Variants in GEN1 observed in about 807,000 individuals in gnomAD.
The protein encoded by GEN1 is flap endonuclease GEN homolog 1.
A neutral mutation model predicts 67.6 loss-of-function variants in GEN1; 64 were observed. The ratio of observed to expected loss-of-function variants is 0.95; its 90% CI spans 0.77 to 1.17. The LOEUF is 1.17. Ranked by LOEUF, GEN1 falls within the 50% of genes most tolerant of loss-of-function variation. The pLI, the probability that GEN1 is intolerant of heterozygous loss-of-function variation, is 0.00. For missense variants in GEN1, 1,058 were observed against 1,048.3 expected, an observed-to-expected ratio of 1.01 and a Z score of -0.13; for synonymous variants, 371 against 359.4, an observed-to-expected ratio of 1.03 and a Z score of -0.37.
chr2:17,782,862 A>G lies in GEN1; in HGVS notation c.*923A>G, dbSNP rs1558416038. ...CTTTAATACCACCAAATATTAAGTC[A>G]TGCATTAATTTAGGTCGCACTCAAA... On this transcript the variant is annotated 3_prime_UTR_variant, in exon 14 of 14. Transcript: ENST00000381254. 6.6e-6 allele frequency: 1 copy of G among 152,180 alleles called. No homozygotes were observed. The highest frequency in any genetic ancestry group is 6.5e-5 in the Admixed American group (1 of 15,268). 9.4% of individuals were successfully genotyped at this position (152,180 alleles called of 1,614,324 possible).
Position 17,781,061 on chromosome 2 carries a change from G to A in GEN1, c.1849G>A (p.Glu617Lys), listed in dbSNP as rs760492196. The change falls in exon 14 of 14, where the codon GAG becomes AAG. Residue 617 changes from glutamate to lysine, a missense_variant. Glu to Lys is a moderately conservative substitution (Grantham distance 56, BLOSUM62 1). Transcript: ENST00000381254. ...TGATTTAAAATCAGAAGTTGAATCA[G>A]AGCTATCAGCCATCCCTGATGGCTT... ...SHDLKSEVESELSAIPDGFEN... is the reference protein window; with the variant it reads ...SHDLKSEVESKLSAIPDGFEN... 6.2e-7 allele frequency: 1 copy of A among 1,613,854 alleles called. No individual in the cohort carries two copies. The highest frequency in any genetic ancestry group is 2.2e-5 in the East Asian group (1 of 44,858).
At position 17,784,650 on chromosome 2, in the gene GEN1, TCTCAA is replaced by T. The variant is rs1028968322; in HGVS notation, c.*2715_*2719del. 53 of 152,280 alleles carry T rather than the reference TCTCAA, an allele frequency of 3.5e-4. No individual in the cohort carries two copies. Among genetic ancestry groups the T allele is most frequent in the African/African-American group, 1.3e-3 (53 of 41,548 alleles). 9.4% of individuals were successfully genotyped at this position (152,280 alleles called of 1,614,324 possible). The stretch of plus-strand genomic sequence containing the variant: ...TAGATTATTTACAAACCTTGTATCA[TCTCAA>T]CTCTTTAAGGACTGTATTGCAATGT... On this transcript the variant is annotated 3_prime_UTR_variant, in exon 14 of 14. Transcript: ENST00000381254.
chr2:17,777,544 A>G (rs1343144903), intron 11 of GEN1, among the ~76,000 whole-genome samples: 1 of 152,200 alleles, frequency 6.6e-6, no homozygotes, highest in Non-Finnish European at 1.5e-5. Context: ...CAGCAGCTTT[A>G]TCAGTAATCA....
In GEN1 at chr2:17,781,196, T is replaced by C; in HGVS notation, c.1984T>C (p.Ser662Pro). ...DGISPEEHLL[S>P]GITDLCLQDL... ...GATTAGTCCTGAAGAGCATCTACTT[T>C]CTGGCATTACTGATTTATGTCTTCA... The change falls in exon 14 of 14, where the codon TCT (serine) becomes CCT (proline). Residue 662 changes from serine (S) to proline (P), a missense_variant. Coordinates refer to ENST00000381254, the MANE Select transcript of GEN1 (RefSeq NM_001130009.3). 1 of 1,613,826 alleles carries C rather than the reference T, an allele frequency of 6.2e-7. No homozygotes were observed. Among genetic ancestry groups the C allele is most frequent in the South Asian group, 1.1e-5 (1 of 91,078 alleles).
chr2:17,777,259 A>C (rs995978860), intron 11 of GEN1, among the ~76,000 whole-genome samples: 1 of 152,210 alleles, frequency 6.6e-6, no homozygotes, highest in East Asian at 1.9e-4. Flanking sequence ...TATTTGGATA[A>C]TTTAATAAAC....
At chr2:17,780,564 A>T in intron 13 of GEN1, 57 bp from the exon 14 acceptor site, 1 of 1,162,644 alleles carries the variant, frequency 8.6e-7, no homozygotes, top group Non-Finnish European at 1.2e-6. Flanking sequence ...TTTATTTTTT[A>T]CCCAAGTTAA....
Position 17,781,991 on chromosome 2 carries a change from C to T in GEN1, c.*52C>T. On this transcript the variant is annotated 3_prime_UTR_variant, in exon 14 of 14. Transcript: ENST00000381254. ...ACTATTTTAGTACTATCAGCAATAG[C>T]AGAGACAGAGGGAAGGTATCTAGTT... 1.0e-6 allele frequency: 1 copy of T among 971,206 alleles called. No individual in the cohort carries two copies. Among genetic ancestry groups the T allele is most frequent in the Non-Finnish European group, 1.5e-6 (1 of 651,568 alleles). The allele number at this position is 971,206 out of a possible 1,614,324, so 60.2% of individuals were successfully genotyped here. A position where few individuals can be genotyped will look rare whatever the true frequency, so the allele number is the denominator to read the frequency against.
intron 10 of GEN1, among the ~76,000 whole-genome samples, chr2:17,773,733 T>A (rs1389767762): frequency 6.6e-6 from 1 of 152,136 alleles, no homozygotes; most frequent in Non-Finnish European, 1.5e-5. Flanking sequence ...ATAATATTAC[T>A]TATCTCATAA....
Position 17,781,018 on chromosome 2 carries a change from A to G in GEN1, c.1806A>G (p.Gln602=). ...CTTTTAGTAATTCTCCAGCTATTCA[A>G]AGGAATACTTTTTCTCATGATTTAA... ...GTSFSNSPAI[Q]RNTFSHDLKS... Residue 602 remains glutamine, a synonymous_variant, in exon 14 of 14, where the codon CAA becomes CAG. Transcript: ENST00000381254. The G allele has an allele frequency of 6.2e-7, 1 of 1,613,886 alleles. No individual in the cohort carries two copies. Among genetic ancestry groups the G allele is most frequent in the Non-Finnish European group, 8.5e-7 (1 of 1,179,834 alleles).
Position 17,770,877 on chromosome 2 carries a change from C to CAA in GEN1, c.711-310_711-309dup, listed in dbSNP as rs150186233. ...TACTGCTGCCTAACTTAAGATTCTT[C>CAA]AAAAAAAAAAGACTGATTGGATATA... On this transcript the variant is annotated intron_variant, in intron 6 of 13. Coordinates refer to ENST00000381254, the MANE Select transcript of GEN1 (RefSeq NM_001130009.3). Among the ~76,000 whole-genome samples the CAA allele has an allele frequency of 4.9e-4, 70 of 143,044 alleles. 1 individual carries two copies. The highest frequency in any genetic ancestry group is 1.6e-3 in the African/African-American group (63 of 39,374). The allele number at this position is 143,044 out of a possible 152,430, so 93.8% of individuals were successfully genotyped here.
intron 11 of GEN1, among the ~76,000 whole-genome samples, chr2:17,776,354 G>A (rs1328886510): frequency 6.6e-6 from 1 of 151,992 alleles, no homozygotes; most frequent in East Asian, 1.9e-4. Context: ...GGACAATTGG[G>A]GAAATTTGAA....
chr2:17,760,155 G>T, intron 2 of GEN1, 51 bp downstream of exon 2: 12 of 1,503,096 alleles, frequency 8.0e-6, no homozygotes, highest in South Asian at 3.8e-5. Flanking sequence ...AACAGTCTTG[G>T]TATCTTGATT....
In GEN1 at chr2:17,774,349, A is replaced by G. The variant is rs551976440; in HGVS notation, c.1150A>G (p.Met384Val). Residue 384 changes from methionine (M) to valine (V), a missense_variant, in exon 11 of 14, where the codon ATG becomes GTG. By Grantham distance (21) the Met-to-Val change is conservative (BLOSUM62 1). Transcript: ENST00000381254. ...GCTGGTACTTTTGACCCATTATGACATGATAGAAAGAAAGCTTGGTAGCAG... is the reference window on the plus strand; with the variant it reads ...GCTGGTACTTTTGACCCATTATGACGTGATAGAAAGAAAGCTTGGTAGCAG... ...KLLVLLTHYDMIERKLGSRNS... is the reference protein window; with the variant it reads ...KLLVLLTHYDVIERKLGSRNS... 14 of 1,606,442 alleles carry G rather than the reference A, an allele frequency of 8.7e-6. No homozygotes were observed. In the East Asian group the frequency reaches 1.8e-4, roughly 21 times the overall value.
chr2:17,777,806 A>T (rs1239370123), intron 11 of GEN1, among the ~76,000 whole-genome samples, 196 bp from the exon 12 acceptor site: 2 of 152,126 alleles, frequency 1.3e-5, no homozygotes, highest in Non-Finnish European at 2.9e-5. Context: ...CAACTTACTT[A>T]GAAGAACTAA....
In GEN1 at chr2:17,786,396, C is replaced by T. The variant is rs527420534; in HGVS notation, c.*4457C>T. On this transcript the variant is annotated 3_prime_UTR_variant, in exon 14 of 14. Coordinates refer to ENST00000381254, the MANE Select transcript of GEN1 (RefSeq NM_001130009.3). ...TCTAGATTAGCATCACACAAGGGAT[C>T]CTAACGTGGCATTTGAGCTACTGGA... 5.9e-5 allele frequency: 9 copies of T among 152,302 alleles called. No individual in the cohort carries two copies. The highest frequency in any genetic ancestry group is 2.2e-4 in the African/African-American group (9 of 41,566). The allele number at this position is 152,302 out of a possible 1,614,324, so 9.4% of individuals were successfully genotyped here.
intron 2 of GEN1, among the ~76,000 whole-genome samples, chr2:17,760,896 T>C (rs1165914864): frequency 1.4e-5 from 2 of 147,454 alleles, no homozygotes; most frequent in African/African-American, 2.5e-5. Context: ...CACTCCAGCC[T>C]GGGCAACAGA....
chr2:17,778,347 C>CATGTGTACATATATGTATACACACACAT lies in GEN1; in HGVS notation c.1264+290_1264+291insACATATATGTATACACACACATATGTGT, dbSNP rs1672623790. Reference sequence around the variant, plus strand: ...ACGTGTACATATATGTATACACACACATGTGTGTACATATATGTATATACA... The same window carrying CATGTGTACATATATGTATACACACACAT: ...ACGTGTACATATATGTATACACACACATGTGTACATATATGTATACACACACATATGTGTGTACATATATGTATATACA... On this transcript the variant is annotated intron_variant, in intron 12 of 13. Transcript: ENST00000381254. Among the ~76,000 whole-genome samples, 21 of 35,164 alleles carry CATGTGTACATATATGTATACACACACAT rather than the reference C, an allele frequency of 6.0e-4. 7 individuals are homozygous for CATGTGTACATATATGTATACACACACAT. Among genetic ancestry groups the CATGTGTACATATATGTATACACACACAT allele is most frequent in the Non-Finnish European group, 1.2e-3 (19 of 15,616 alleles). 23.1% of individuals were successfully genotyped at this position (35,164 alleles called of 152,430 possible). A position where few individuals can be genotyped will look rare whatever the true frequency, so the allele number is the denominator to read the frequency against.
At position 17,781,862 on chromosome 2, in the gene GEN1, G is replaced by T; in HGVS notation, c.2650G>T (p.Glu884Ter). The change falls in exon 14 of 14, where the codon GAA becomes TAA. Residue 884 changes from glutamate to a stop codon, truncating the protein, a stop_gained. Transcript: ENST00000381254. LOFTEE classifies it high-confidence loss of function. ...SLSSLQCHKK[E>*]NNSGTCLDSP... ...GAGTTCTCTACAATGTCATAAGAAA[G>T]AAAACAACTCTGGTACTTGTTTGGA... The T allele has an allele frequency of 1.3e-6, 2 of 1,546,956 alleles. No homozygotes were observed. Among genetic ancestry groups the T allele is most frequent in the Non-Finnish European group, 1.8e-6 (2 of 1,142,790 alleles).
rs752668076 is a variant in GEN1 at position 17,780,819 on chromosome 2, C to T, written c.1607C>T (p.Pro536Leu). 6.2e-7 allele frequency: 1 copy of T among 1,613,846 alleles called. No homozygotes were observed. The highest frequency in any genetic ancestry group is 8.5e-7 in the Non-Finnish European group (1 of 1,179,872). ...AGCTTGCTTTTACCTAAAAATACTC[C>T]ATGTTTGAATGCACAAGAACAGTTC... ...LNSLLLPKNT[P>L]CLNAQEQFMS... The change falls in exon 14 of 14, where the codon CCA becomes CTA. Residue 536 changes from proline (P) to leucine (L), a missense_variant. Physicochemically the swap from Pro to Leu is moderately conservative, Grantham distance 98. Coordinates refer to ENST00000381254, the MANE Select transcript of GEN1 (RefSeq NM_001130009.3).
Sources: gnomAD v4.1 joint callset for allele counts (sites outside exome capture counted in the v4.1 genomes callset) on GRCh38, gnomAD v4.1.1 for gene constraint, MANE v1.5 for transcripts, NCBI Gene and HGNC (gene_info 2026-07-23, HGNC 2026-07-21) for gene names.